The following RAD51B variants were observed in gnomAD, a reference collection of about 807,000 sequenced individuals.
The protein encoded by RAD51B is RAD51 paralog B, also known as DNA repair protein RAD51 homolog 2.
RAD51B carries 38 observed loss-of-function variants against 42.2 expected under a neutral mutation model. The observed-to-expected ratio is 0.90, with a 90% CI of 0.70 to 1.18. The LOEUF is 1.18. RAD51B is among the 50% of genes most tolerant of loss of function. The probability of loss-of-function intolerance (pLI) is 0.00; values close to 1 mark genes in which losing one functional copy is unlikely to be tolerated. For synonymous variants in RAD51B, 154 were observed against 145.2 expected, an observed-to-expected ratio of 1.06 and a Z score of -0.43; for missense variants, 373 against 400.7, an observed-to-expected ratio of 0.93 and a Z score of 0.59.
intron 8 of RAD51B, among the ~76,000 whole-genome samples, chr14:68,293,265 GT>G (rs554486041): frequency 5.3e-5 from 8 of 151,732 alleles, no homozygotes; most frequent in African/African-American, 1.9e-4. Flanking sequence ...TTTTGTTTTT[GT>G]TTTTTCTGAG....
intron 7 of RAD51B, among the ~76,000 whole-genome samples, chr14:68,098,681 A>T (rs2077237873): frequency 6.6e-6 from 1 of 152,190 alleles, no homozygotes; most frequent in Non-Finnish European, 1.5e-5. Flanking sequence ...ATTATCTCCC[A>T]CCAGGTCCCT....
intron 7 of RAD51B, among the ~76,000 whole-genome samples, chr14:68,043,046 A>G (rs556640700): frequency 6.6e-6 from 1 of 151,820 alleles, no homozygotes; most frequent in South Asian, 2.1e-4. Context: ...TGCTCTTTGA[A>G]TGGGGAAAAA....
chr14:67,823,916 G>GGACTCAAAA (rs2040720538), intron 2 of RAD51B, among the ~76,000 whole-genome samples: 1 of 152,204 alleles, frequency 6.6e-6, no homozygotes, highest in Non-Finnish European at 1.5e-5. Context: ...GGACTCAAAT[G>GGACTCAAAA]AGGAGATACT....
Position 68,275,840 on chromosome 14 carries a change from A to ACACC in RAD51B, c.757-16043_757-16042insACCC, listed in dbSNP as rs780326389. ...CACACACACACACACACACACACAC[A>ACACC]CCCTTGAATTCTCAGCTGACATGTT... On this transcript the variant is annotated intron_variant, in intron 7 of 10. Transcript: ENST00000471583. Among the ~76,000 whole-genome samples, 44 of 134,948 alleles carry ACACC rather than the reference A, an allele frequency of 3.3e-4. 1 individual carries two copies. The highest frequency in any genetic ancestry group is 8.9e-4 in the African/African-American group (31 of 34,730). The allele number at this position is 134,948 out of a possible 152,430, so 88.5% of individuals were successfully genotyped here. A position where few individuals can be genotyped will look rare whatever the true frequency, so the allele number is the denominator to read the frequency against.
At chr14:68,147,941 T>C (rs1341126728) in intron 7 of RAD51B, among the ~76,000 whole-genome samples, 1 of 152,196 alleles carries the variant, frequency 6.6e-6, no homozygotes, top group Non-Finnish European at 1.5e-5. Flanking sequence ...ATGTCTTTTA[T>C]CCTTAAATGT....
At chr14:68,416,036 C>T (rs1445605935) in intron 9 of RAD51B, among the ~76,000 whole-genome samples, 2 of 151,960 alleles carry the variant, frequency 1.3e-5, no homozygotes, top group African/African-American at 2.4e-5. Context: ...TTAGGAGGCA[C>T]CCTGAAATTA....
intron 7 of RAD51B, among the ~76,000 whole-genome samples, chr14:68,057,876 A>G (rs2076503879): frequency 1.3e-5 from 2 of 148,364 alleles, no homozygotes; most frequent in Non-Finnish European, 3.0e-5. Context: ...GCTTTTATTG[A>G]TGTATATAAA....
At chr14:68,041,959 C>A (rs1437274855) in intron 7 of RAD51B, among the ~76,000 whole-genome samples, 2 of 152,186 alleles carry the variant, frequency 1.3e-5, no homozygotes, top group Non-Finnish European at 2.9e-5. Flanking sequence ...TGAAAGCAAT[C>A]TTCTGGAAAC....
At chr14:67,876,191 AATG>A (rs33980876) in intron 5 of RAD51B, among the ~76,000 whole-genome samples, 152,263 of 152,266 alleles carry the variant, frequency 1, 76,130 homozygotes, top group Middle Eastern at 1. Context: ...ATATATATTG[AATG>A]ATGAATGAAC....
rs554321614 is a variant in RAD51B, at chr14:68,475,702, T to A, written c.1037-1946T>A. Among the ~76,000 whole-genome samples the A allele has an allele frequency of 7.9e-5, 12 of 151,940 alleles. No homozygotes were observed. The South Asian group carries it at 2.3e-3, about 29-fold the overall frequency. On this transcript the variant is annotated intron_variant, in intron 10 of 10. Coordinates refer to ENST00000471583, the MANE Select transcript of RAD51B (RefSeq NM_133510.4). Reference sequence around the variant, plus strand: ...CCTACCTCCACTTTTAAAAAAAAAATGAAACAAAATATCAGTTGAAATAAC... The same window carrying A: ...CCTACCTCCACTTTTAAAAAAAAAAAGAAACAAAATATCAGTTGAAATAAC...
At chr14:68,497,099 A>T (rs751410752) in intron 10 of RAD51B, 3 of 1,370,908 alleles carry the variant, frequency 2.2e-6, no homozygotes, top group Non-Finnish European at 2.9e-6. Flanking sequence ...GTATCTTGAC[A>T]CTCATGTTCT....
chr14:68,035,569 T>TA (rs2076109081), intron 7 of RAD51B, among the ~76,000 whole-genome samples: 3 of 152,188 alleles, frequency 2.0e-5, no homozygotes, highest in South Asian at 4.1e-4. Flanking sequence ...GAAGATTCAG[T>TA]AAAAAACACT....
Position 67,961,885 on chromosome 14 carries a change from A to T in RAD51B, c.756+74681A>T, listed in dbSNP as rs117182083. On this transcript the variant is annotated intron_variant, in intron 7 of 10. Coordinates refer to ENST00000471583, the MANE Select transcript of RAD51B (RefSeq NM_133510.4). ...AAAGAGATCGCTGACTACAGCAGAA[A>T]ACTATAACATTCTGATAAAGTTAGA... 1.3e-4 allele frequency among the ~76,000 whole-genome samples: 20 copies of T among 152,350 alleles called. No individual in the cohort carries two copies. The East Asian group carries it at 3.9e-3, about 29-fold the overall frequency.
intron 7 of RAD51B, among the ~76,000 whole-genome samples, chr14:67,960,071 CA>C (rs1028858846): frequency 6.9e-5 from 10 of 145,018 alleles, no homozygotes; most frequent in African/African-American, 2.4e-4. Context: ...GGCAACAGAG[CA>C]AGACTCCATC....
chr14:68,480,404 T>C (rs1883081367), downstream of RAD51B, among the ~76,000 whole-genome samples: 1 of 152,198 alleles, frequency 6.6e-6, no homozygotes, highest in Admixed American at 6.5e-5. Flanking sequence ...ATGGGGGCCT[T>C]GGCCATGAAC....
chr14:68,611,546 G>A, exon 11 of RAD51B: 1 of 452,258 alleles, frequency 2.2e-6, no homozygotes, highest in Non-Finnish European at 4.0e-6. Flanking sequence ...AGCTTATTAA[G>A]CCTTGCAGCT....
chr14:68,375,724 T>A (rs1806709209), intron 8 of RAD51B, among the ~76,000 whole-genome samples: 1 of 152,130 alleles, frequency 6.6e-6, no homozygotes, highest in East Asian at 1.9e-4. Context: ...ATTTGTTGAA[T>A]GCATTAATGA....
intron 5 of RAD51B, among the ~76,000 whole-genome samples, chr14:67,878,971 C>T (rs1218787979): frequency 6.6e-6 from 1 of 152,228 alleles, no homozygotes; most frequent in African/African-American, 2.4e-5. Context: ...ATCTCAGCCT[C>T]CCAAAGTCCT....
At chr14:67,949,415 C>T (rs2074400874) in intron 7 of RAD51B, among the ~76,000 whole-genome samples, 1 of 152,166 alleles carries the variant, frequency 6.6e-6, no homozygotes, top group Non-Finnish European at 1.5e-5. Flanking sequence ...TACCTTATCC[C>T]TCATCTGTTC....
Sources: gnomAD v4.1 joint callset for allele counts (sites outside exome capture counted in the v4.1 genomes callset) on GRCh38, gnomAD v4.1.1 for gene constraint, MANE v1.5 for transcripts, NCBI Gene and HGNC (gene_info 2026-07-23, HGNC 2026-07-21) for gene names.